RAB38: variants seen among roughly 807,000 people sequenced by gnomAD.
The protein encoded by RAB38 is RAB38, member RAS oncogene family.
Under a neutral mutation model 18.4 loss-of-function variants are expected in RAB38, and 15 were observed. The ratio of observed to expected loss-of-function variants is 0.82; its 90% CI spans 0.55 to 1.26. The LOEUF (loss-of-function observed/expected upper bound fraction) is 1.26, where lower values mean the gene tolerates loss of function less well. RAB38 is among the 50% of genes most tolerant of loss of function. RAB38 has a pLI of 0.00. For missense variants in RAB38, 294 were observed against 267.4 expected (o/e 1.10, Z -0.69); for synonymous variants, 101 against 104.4 (o/e 0.97, Z 0.20).
chr11:88,150,272 T>A (rs1417130587), intron 1 of RAB38, among the ~76,000 whole-genome samples: 1 of 152,194 alleles, frequency 6.6e-6, no homozygotes. Context: ...CTAAACAAAA[T>A]TTTTAATTCA....
At chr11:88,050,461 T>C in the RAB38 span, among the ~76,000 whole-genome samples, 3 of 152,342 alleles carry the variant, frequency 2.0e-5, no homozygotes, top group South Asian at 6.2e-4. Context: ...TGGGGCATGA[T>C]TGTACGTATG....
At chr11:88,078,481 A>G in the RAB38 span, among the ~76,000 whole-genome samples, 82 of 131,098 alleles carry the variant, frequency 6.3e-4, no homozygotes, top group African/African-American at 2.1e-3. Context: ...TATCATGTAT[A>G]TGTATATATG....
At chr11:88,171,255 C>T (rs770968278) in intron 1 of RAB38, among the ~76,000 whole-genome samples, 8 of 151,990 alleles carry the variant, frequency 5.3e-5, no homozygotes, top group South Asian at 2.1e-4. Context: ...AGACAGAAAA[C>T]GAAGGCACAG....
the RAB38 span, among the ~76,000 whole-genome samples, chr11:87,968,275 T>C: frequency 6.6e-6 from 1 of 152,138 alleles, no homozygotes; most frequent in Admixed American, 6.6e-5. Context: ...AAATCTGGTG[T>C]CTCAGAGGCC....
the RAB38 span, among the ~76,000 whole-genome samples, chr11:88,052,642 A>T: frequency 6.6e-6 from 1 of 151,704 alleles, no homozygotes; most frequent in Non-Finnish European, 1.5e-5. Context: ...CATTCTCAAA[A>T]GTTCCTGACA....
At chr11:87,827,181 A>T in the RAB38 span, among the ~76,000 whole-genome samples, 1 of 152,212 alleles carries the variant, frequency 6.6e-6, no homozygotes, top group Non-Finnish European at 1.5e-5. Flanking sequence ...AGTAATTTAA[A>T]ACATTAATTC....
At chr11:88,132,479 C>G (rs190826652) in intron 2 of RAB38, among the ~76,000 whole-genome samples, 1 of 152,218 alleles carries the variant, frequency 6.6e-6, no homozygotes, top group East Asian at 1.9e-4. Flanking sequence ...TTTCTTGAGA[C>G]AGTGTTTCAC....
At chr11:88,120,513 T>C (rs12287589) in intron 2 of RAB38, among the ~76,000 whole-genome samples, 17,280 of 152,172 alleles carry the variant, frequency 0.11, 1,366 homozygotes, top group African/African-American at 0.22. Flanking sequence ...TGTATGAAAG[T>C]TACCAGAGTT....
chr11:87,846,948 C>G, the RAB38 span, among the ~76,000 whole-genome samples: 1 of 151,874 alleles, frequency 6.6e-6, no homozygotes, highest in African/African-American at 2.4e-5. Context: ...CGCCCAATTA[C>G]AAGAAAATCT....
At chr11:87,813,548 G>A in the RAB38 span, among the ~76,000 whole-genome samples, 1 of 150,086 alleles carries the variant, frequency 6.7e-6, no homozygotes, top group East Asian at 1.9e-4. Context: ...TCTGTCAGAT[G>A]TTTTATGCTG....
chr11:88,124,481 C>T (rs1285881250), intron 2 of RAB38, among the ~76,000 whole-genome samples: 2 of 152,176 alleles, frequency 1.3e-5, no homozygotes, highest in East Asian at 1.9e-4. Context: ...ACAGACACTT[C>T]TCAAAAGAAG....
the RAB38 span, among the ~76,000 whole-genome samples, chr11:88,099,805 C>T: frequency 6.6e-6 from 1 of 151,736 alleles, no homozygotes; most frequent in South Asian, 2.1e-4. Flanking sequence ...AGGGTCAAGG[C>T]ATGTCTTTCG....
chr11:88,171,363 C>T (rs1943309986), intron 1 of RAB38, among the ~76,000 whole-genome samples: 1 of 152,070 alleles, frequency 6.6e-6, no homozygotes, highest in South Asian at 2.1e-4. Context: ...GATAATAAAC[C>T]TTTTGCTTAC....
At chr11:87,958,433 C>T in the RAB38 span, among the ~76,000 whole-genome samples, 13 of 152,260 alleles carry the variant, frequency 8.5e-5, no homozygotes, top group South Asian at 2.7e-3. Flanking sequence ...AAGAAAGTCT[C>T]CAACCTCCTT....
At chr11:87,873,198 T>C in the RAB38 span, among the ~76,000 whole-genome samples, 5,009 of 151,664 alleles carry the variant, frequency 0.033, 223 homozygotes, top group Admixed American at 0.13. Flanking sequence ...CTTAGTAATA[T>C]ATGATGTTGA....
chr11:87,923,654 T>G, the RAB38 span, among the ~76,000 whole-genome samples: 1 of 151,844 alleles, frequency 6.6e-6, no homozygotes, highest in Admixed American at 6.6e-5. Context: ...ATTCCTCATG[T>G]AAACAAATAA....
intron 1 of RAB38, among the ~76,000 whole-genome samples, chr11:88,163,286 T>C (rs956009520): frequency 6.6e-6 from 1 of 152,158 alleles, no homozygotes; most frequent in Admixed American, 6.6e-5. Flanking sequence ...ACAAGTACTC[T>C]TTGCATAATG....
chr11:88,040,549 T>C, the RAB38 span, among the ~76,000 whole-genome samples: 3 of 151,942 alleles, frequency 2.0e-5, no homozygotes, highest in Non-Finnish European at 4.4e-5. Context: ...CTACAGAAAA[T>C]AAAAAATTAG....
At chr11:87,932,693 C>T in the RAB38 span, among the ~76,000 whole-genome samples, 2 of 152,110 alleles carry the variant, frequency 1.3e-5, no homozygotes, top group African/African-American at 4.8e-5. Flanking sequence ...ATCCCATCTA[C>T]AAGCATCCTC....
Sources: allele counts gnomAD v4.1 joint callset (sites outside exome capture counted in the v4.1 genomes callset), GRCh38; gene constraint gnomAD v4.1.1; transcripts MANE v1.5; gene names NCBI Gene and HGNC (gene_info 2026-07-23, HGNC 2026-07-21).